Variants in SLC25A12 observed in about 807,000 individuals in gnomAD.
SLC25A12 encodes electrogenic aspartate/glutamate antiporter SLC25A12, mitochondrial.
A neutral mutation model predicts 83.3 loss-of-function variants in SLC25A12; 32 were observed. The ratio of observed to expected loss-of-function variants is 0.38; its 90% CI spans 0.29 to 0.52. The LOEUF (loss-of-function observed/expected upper bound fraction) is 0.52, where lower values mean the gene tolerates loss of function less well. Among genes scored for constraint, SLC25A12 ranks in the 20% least tolerant of loss-of-function variants. The pLI is 0.84. For synonymous variants in SLC25A12, 267 were observed against 291.1 expected (o/e 0.92, Z 0.84); for missense variants, 611 against 835.6 (o/e 0.73, Z 3.31).
chr2:171,884,466 C>A (rs1367282281), intron 2 of SLC25A12, among the ~76,000 whole-genome samples: 3 of 151,502 alleles, frequency 2.0e-5, no homozygotes, highest in Non-Finnish European at 4.4e-5. Context: ...CACCTCGCCC[C>A]TAGAATGTTA....
intron 13 of SLC25A12, among the ~76,000 whole-genome samples, chr2:171,798,773 G>A (rs1400111238): frequency 6.6e-6 from 1 of 152,218 alleles, no homozygotes; most frequent in African/African-American, 2.4e-5. Flanking sequence ...GCTCATTGCT[G>A]AGTGATGATA....
Position 171,879,086 on chromosome 2 carries a change from T to A in SLC25A12, c.67-10263A>T, listed in dbSNP as rs559589854. ...TTTATAAGAAAAAAATTATTTTAAA[T>A]ACATATGGCCAGTTTGATTTTTTAA... On this transcript the variant is annotated intron_variant, in intron 2 of 17. Coordinates refer to ENST00000422440, the MANE Select transcript of SLC25A12 (RefSeq NM_003705.5). Among the ~76,000 whole-genome samples the A allele has an allele frequency of 3.9e-5, 6 of 152,346 alleles. No individual in the cohort carries two copies. In the East Asian group the frequency reaches 1.2e-3, roughly 29 times the overall value.
intron 8 of SLC25A12, among the ~76,000 whole-genome samples, 170 bp from the exon 9 acceptor site, chr2:171,827,052 A>G (rs1300149355): frequency 6.6e-6 from 1 of 152,158 alleles, no homozygotes; most frequent in Non-Finnish European, 1.5e-5. Flanking sequence ...CTCTGTTTTC[A>G]TCAACAAAAA....
At chr2:171,793,119 G>T in intron 14 of SLC25A12, among the ~76,000 whole-genome samples, 1 of 149,200 alleles carries the variant, frequency 6.7e-6, no homozygotes, top group African/African-American at 2.5e-5. Context: ...TCTGTTGTTG[G>T]TTTGTTTTTT....
At chr2:171,788,047 G>T (rs1690522556) in intron 15 of SLC25A12, 100 bp from the exon 16 acceptor site, 12 of 1,241,702 alleles carry the variant, frequency 9.7e-6, no homozygotes, top group Non-Finnish European at 1.3e-5. Flanking sequence ...AACCACTTGA[G>T]CGGAACTCAA....
chr2:171,790,049 A>T (rs1683407760), intron 15 of SLC25A12, among the ~76,000 whole-genome samples: 1 of 152,206 alleles, frequency 6.6e-6, no homozygotes, highest in Admixed American at 6.5e-5. Flanking sequence ...TGGGCCCCAA[A>T]TAAGGGCGGT....
chr2:171,850,304 CAG>C (rs1282856675), intron 4 of SLC25A12, among the ~76,000 whole-genome samples: 1 of 143,380 alleles, frequency 7.0e-6, no homozygotes, highest in Non-Finnish European at 1.5e-5. Context: ...TTGCTAGAGA[CAG>C]GGTTTCACCA....
chr2:171,819,003 T>C (rs1684114877), intron 9 of SLC25A12, among the ~76,000 whole-genome samples: 1 of 150,486 alleles, frequency 6.6e-6, no homozygotes, highest in Admixed American at 6.7e-5. Flanking sequence ...ACTTCAATAG[T>C]CTGGGATTTG....
chr2:171,784,298 T>C lies in SLC25A12; in HGVS notation c.*976A>G, dbSNP rs1358371596. On this transcript the variant is annotated 3_prime_UTR_variant, in exon 18 of 18. Coordinates refer to ENST00000422440, the MANE Select transcript of SLC25A12 (RefSeq NM_003705.5). ...AAAGGGCGAACCCGATCATGAGTTA[T>C]TTGCAATCAGTAGTCAATCAGAACA... 1 of 152,260 alleles carries C rather than the reference T, an allele frequency of 6.6e-6. No individual in the cohort carries two copies. Among genetic ancestry groups the C allele is most frequent in the African/African-American group, 2.4e-5 (1 of 41,462 alleles). The allele number at this position is 152,260 out of a possible 1,614,324, so 9.4% of individuals were successfully genotyped here.
At position 171,788,934 on chromosome 2, in the gene SLC25A12, C is replaced by T. The variant is rs568842772; in HGVS notation, c.1586-987G>A. ...AAAAATTAGAAAAAATAATCTCATT[C>T]TGAAAACTGACATCAAATGTCTATG... is the stretch of plus-strand genomic sequence containing the variant. On this transcript the variant is annotated intron_variant, in intron 15 of 17. Transcript: ENST00000422440. 6.6e-5 allele frequency: 10 copies of T among 152,338 alleles called. No homozygotes were observed. In the South Asian group the frequency reaches 2.1e-3, roughly 32 times the overall value. 9.4% of individuals were successfully genotyped at this position (152,338 alleles called of 1,614,324 possible). A position where few individuals can be genotyped will look rare whatever the true frequency, so the allele number is the denominator to read the frequency against.
intron 15 of SLC25A12, 153 bp from the exon 16 acceptor site, chr2:171,788,100 T>C: frequency 1.4e-6 from 1 of 711,930 alleles, no homozygotes; most frequent in Non-Finnish European, 2.4e-6. Context: ...GAAAAGGGCA[T>C]AGAAGCCTAT....
intron 2 of SLC25A12, among the ~76,000 whole-genome samples, chr2:171,878,128 G>A (rs114951600): frequency 1.5e-3 from 226 of 152,174 alleles, no homozygotes; most frequent in African/African-American, 5.0e-3. Flanking sequence ...CTGGTGCCTG[G>A]TACTGGGGAT....
In SLC25A12 at chr2:171,826,646, A is replaced by G; in HGVS notation, c.930+152T>C. 9 of 653,024 alleles carry G rather than the reference A, an allele frequency of 1.4e-5. 1 individual carries two copies. In the South Asian group the frequency reaches 1.6e-4, roughly 12 times the overall value. 40.5% of individuals were successfully genotyped at this position (653,024 alleles called of 1,614,324 possible). Reference sequence around the variant, plus strand: ...TATATTCTATAAAAGTGGGGGTAACAGTAGTTCTATAAAGGTAATCTTTAA... The same window carrying G: ...TATATTCTATAAAAGTGGGGGTAACGGTAGTTCTATAAAGGTAATCTTTAA... On this transcript the variant is annotated intron_variant, in intron 9 of 17. Coordinates refer to ENST00000422440, the MANE Select transcript of SLC25A12 (RefSeq NM_003705.5).
intron 8 of SLC25A12, among the ~76,000 whole-genome samples, chr2:171,831,206 G>A (rs1266093562): frequency 1.3e-5 from 2 of 152,166 alleles, no homozygotes; most frequent in African/African-American, 4.8e-5. Context: ...AGGACCTAAG[G>A]GAGCCTGGGA....
intron 2 of SLC25A12, 59 bp downstream of exon 2, chr2:171,893,146 T>G: frequency 7.3e-7 from 1 of 1,363,472 alleles, no homozygotes; most frequent in East Asian, 2.3e-5. Context: ...TGAATAGGAC[T>G]AAGGACATGT....
intron 2 of SLC25A12, among the ~76,000 whole-genome samples, chr2:171,888,336 T>C (rs1163204566): frequency 3.3e-5 from 5 of 151,854 alleles, no homozygotes; most frequent in Non-Finnish European, 7.4e-5. Context: ...TGGCCTCAAG[T>C]GATCCTCCCA....
chr2:171,814,280 T>C lies in SLC25A12; in HGVS notation c.1013-783A>G, dbSNP rs575205138. 9.2e-5 allele frequency among the ~76,000 whole-genome samples: 14 copies of C among 152,106 alleles called. No homozygotes were observed. The South Asian group carries it at 2.5e-3, about 27-fold the overall frequency. The stretch of plus-strand genomic sequence containing the variant: ...GATTGTACACATTTTCTAAGTAGAG[T>C]ATTTAAGCAAAAACAGTCTCTCAAA... On this transcript the variant is annotated intron_variant, in intron 10 of 17. Transcript: ENST00000422440.
At chr2:171,822,049 A>G (rs1312054516) in intron 9 of SLC25A12, among the ~76,000 whole-genome samples, 1 of 152,204 alleles carries the variant, frequency 6.6e-6, no homozygotes, top group Non-Finnish European at 1.5e-5. Context: ...TTTTAAAAAC[A>G]GGCCTGGTAA....
At chr2:171,804,318 G>A (rs1683777597) in intron 13 of SLC25A12, among the ~76,000 whole-genome samples, 3 of 152,038 alleles carry the variant, frequency 2.0e-5, no homozygotes, top group Admixed American at 2.0e-4. Flanking sequence ...AGTGCAGTGG[G>A]CACAATCTCT....
Sources: allele counts gnomAD v4.1 joint callset (sites outside exome capture counted in the v4.1 genomes callset), GRCh38; gene constraint gnomAD v4.1.1; transcripts MANE v1.5; gene names NCBI Gene and HGNC (gene_info 2026-07-23, HGNC 2026-07-21).